The following MIPOL1 variants were observed in gnomAD, a reference collection of about 807,000 sequenced individuals.
The protein encoded by MIPOL1 is mirror-image polydactyly gene 1 protein.
MIPOL1 carries 57 observed loss-of-function variants against 60.9 expected under a neutral mutation model. That is an observed-to-expected ratio of 0.94 (90% confidence interval 0.76 to 1.17). The LOEUF is 1.17. MIPOL1 is among the 50% of genes most tolerant of loss of function. MIPOL1 has a pLI of 0.00. For missense variants in MIPOL1, 551 were observed against 511.6 expected, an observed-to-expected ratio of 1.08 and a Z score of -0.74; for synonymous variants, 179 against 168.8, an observed-to-expected ratio of 1.06 and a Z score of -0.47.
chr14:37,290,383 A>G (rs1015633062), intron 7 of MIPOL1, among the ~76,000 whole-genome samples: 4 of 151,914 alleles, frequency 2.6e-5, no homozygotes, highest in Non-Finnish European at 5.9e-5. Context: ...GTGCCACCAC[A>G]CCTGGCTAAT....
intron 6 of MIPOL1, among the ~76,000 whole-genome samples, chr14:37,279,837 A>G (rs971877905): frequency 2.0e-5 from 3 of 152,098 alleles, no homozygotes; most frequent in Non-Finnish European, 4.4e-5. Context: ...TGAAATATAC[A>G]TTACTCTTCA....
chr14:37,426,082 TA>T (rs1200485962), intron 11 of MIPOL1, among the ~76,000 whole-genome samples: 2 of 152,150 alleles, frequency 1.3e-5, no homozygotes, highest in Non-Finnish European at 2.9e-5. Context: ...TGAGTATATT[TA>T]TGGCTAATTT....
At chr14:37,526,196 C>CTTTTT (rs78866640) in intron 12 of MIPOL1, among the ~76,000 whole-genome samples, 1 of 133,132 alleles carries the variant, frequency 7.5e-6, no homozygotes, top group Admixed American at 7.7e-5. Flanking sequence ...TGTATATATG[C>CTTTTT]TTTTTTTTTT....
intron 10 of MIPOL1, among the ~76,000 whole-genome samples, chr14:37,398,145 T>G (rs1272131338): frequency 6.6e-6 from 1 of 152,130 alleles, no homozygotes; most frequent in Non-Finnish European, 1.5e-5. Flanking sequence ...CCAGGGCCCT[T>G]CTGCTGCTTC....
rs1423366931 is a variant in MIPOL1, at chr14:37,499,980, A to C, written c.1104A>C (p.Glu368Asp). The C allele has an allele frequency of 6.2e-7, 1 of 1,613,380 alleles. No homozygotes were observed. Among genetic ancestry groups the C allele is most frequent in the African/African-American group, 1.3e-5 (1 of 74,908 alleles). The change falls in exon 12 of 13, where the codon GAA becomes GAC. Residue 368 changes from glutamate (E) to aspartate (D), a missense_variant. Coordinates refer to ENST00000684589, the MANE Select transcript of MIPOL1 (RefSeq NM_001388067.1). ...ACTATACCCTTAGTACATATGAAGA[A>C]GCTTTAAAAAACAGAGAGAACATTG... ...QFNYTLSTYE[E>D]ALKNRENIVS...
intron 1 of MIPOL1, among the ~76,000 whole-genome samples, chr14:37,230,079 CA>C (rs1970381128): frequency 6.6e-6 from 1 of 151,932 alleles, no homozygotes; most frequent in Admixed American, 6.6e-5. Context: ...GTTTTCACCA[CA>C]AAAAAGACAT....
intron 7 of MIPOL1, among the ~76,000 whole-genome samples, chr14:37,303,528 C>G (rs1712807394): frequency 6.6e-6 from 1 of 151,810 alleles, no homozygotes; most frequent in African/African-American, 2.4e-5. Flanking sequence ...CCCTTCATTG[C>G]TTATCTACTT....
chr14:37,444,188 C>G (rs1003372251), intron 11 of MIPOL1, among the ~76,000 whole-genome samples: 1 of 152,110 alleles, frequency 6.6e-6, no homozygotes, highest in African/African-American at 2.4e-5. Context: ...TTAAAAGAAA[C>G]TGAACTTTTA....
intron 10 of MIPOL1, among the ~76,000 whole-genome samples, chr14:37,382,059 C>A (rs1178346183): frequency 6.6e-6 from 1 of 151,874 alleles, no homozygotes; most frequent in Non-Finnish European, 1.5e-5. Context: ...AGTTTTATGT[C>A]TTTTTAGTGC....
At chr14:37,359,629 C>CTG (rs374255095) in intron 9 of MIPOL1, among the ~76,000 whole-genome samples, 1 of 151,722 alleles carries the variant, frequency 6.6e-6, no homozygotes, top group Admixed American at 6.6e-5. Flanking sequence ...TTATTTGGCT[C>CTG]TCTGTTATTG....
chr14:37,368,254 T>C (rs1944622157), intron 9 of MIPOL1, among the ~76,000 whole-genome samples: 1 of 152,138 alleles, frequency 6.6e-6, no homozygotes, highest in South Asian at 2.1e-4. Flanking sequence ...TATATATGTA[T>C]GAAGTGTGTA....
chr14:37,412,127 C>A (rs1284245715), intron 10 of MIPOL1, among the ~76,000 whole-genome samples: 6 of 152,102 alleles, frequency 3.9e-5, no homozygotes. Context: ...CTCTTAACCA[C>A]CTCATGGTAT....
chr14:37,370,775 C>G (rs763275871), intron 10 of MIPOL1, among the ~76,000 whole-genome samples: 8 of 152,106 alleles, frequency 5.3e-5, no homozygotes, highest in African/African-American at 1.9e-4. Flanking sequence ...GAGAAAGGAA[C>G]AAATTATAGA....
intron 10 of MIPOL1, among the ~76,000 whole-genome samples, chr14:37,397,529 C>T (rs2093397289): frequency 6.6e-6 from 1 of 152,152 alleles, no homozygotes; most frequent in Admixed American, 6.5e-5. Context: ...GAGGAACCAG[C>T]AGTGGTCAGA....
At chr14:37,262,721 T>G (rs1034927410) in intron 3 of MIPOL1, among the ~76,000 whole-genome samples, 3 of 152,166 alleles carry the variant, frequency 2.0e-5, no homozygotes, top group African/African-American at 7.2e-5. Flanking sequence ...CCCTAATACT[T>G]CTATCCACCC....
At chr14:37,483,643 G>GA (rs2094906811) in intron 11 of MIPOL1, among the ~76,000 whole-genome samples, 2 of 150,226 alleles carry the variant, frequency 1.3e-5, no homozygotes, top group Non-Finnish European at 3.0e-5. Flanking sequence ...GATTTGAAAT[G>GA]TTTTTTTTTA....
chr14:37,359,184 T>C (rs888267043), intron 9 of MIPOL1, among the ~76,000 whole-genome samples: 3 of 152,246 alleles, frequency 2.0e-5, no homozygotes, highest in African/African-American at 7.2e-5. Flanking sequence ...TTCTGTTCGA[T>C]TGGTCTATAT....
chr14:37,341,617 T>A (rs866980755), intron 9 of MIPOL1, among the ~76,000 whole-genome samples: 1 of 152,208 alleles, frequency 6.6e-6, no homozygotes, highest in African/African-American at 2.4e-5. Context: ...TTTTAAATTT[T>A]TTTTATAAGT....
chr14:37,431,837 A>G (rs1472568823), intron 11 of MIPOL1, among the ~76,000 whole-genome samples: 1 of 151,276 alleles, frequency 6.6e-6, no homozygotes, highest in Non-Finnish European at 1.5e-5. Context: ...CGCTCGCCTC[A>G]GCCTCCCAAA....
Sources: gnomAD v4.1 joint callset for allele counts (sites outside exome capture counted in the v4.1 genomes callset) on GRCh38, gnomAD v4.1.1 for gene constraint, MANE v1.5 for transcripts, NCBI Gene and HGNC (gene_info 2026-07-23, HGNC 2026-07-21) for gene names.